TENM1: variants seen among roughly 807,000 people sequenced by gnomAD.
The protein encoded by TENM1 is teneurin-1.
Under a neutral mutation model 174.8 loss-of-function variants are expected in TENM1, and 35 were observed. The ratio of observed to expected loss-of-function variants is 0.20; its 90% CI spans 0.15 to 0.27. The LOEUF is 0.27. Ranked by LOEUF, TENM1 falls within the 10% of genes least tolerant of loss-of-function variation. The pLI is 1.00. For synonymous variants in TENM1, 781 were observed against 798.7 expected (o/e 0.98, Z 0.37); for missense variants, 1,633 against 2,130.1 (o/e 0.77, Z 4.59).
the TENM1 span, among the ~76,000 whole-genome samples, chrX:125,049,692 A>G: frequency 1.8e-5 from 2 of 111,596 alleles, no homozygotes; most frequent in East Asian, 5.7e-4. Flanking sequence ...AATACTTGGT[A>G]TTGTCTTTAT....
At chrX:125,104,029 G>T in the TENM1 span, among the ~76,000 whole-genome samples, 1 of 111,778 alleles carries the variant, frequency 8.9e-6, no homozygotes, top group East Asian at 2.8e-4. Flanking sequence ...TAAACAGCTA[G>T]GTTATGATGC....
chrX:124,672,986 AT>A, intron 5 of TENM1, among the ~76,000 whole-genome samples: 1 of 111,573 alleles, frequency 9.0e-6, no homozygotes, highest in Admixed American at 9.5e-5. Flanking sequence ...TGTTTTCCAT[AT>A]TTTTTTTACA....
intron 21 of TENM1, among the ~76,000 whole-genome samples, chrX:124,486,528 A>C (rs2046957633): frequency 8.9e-6 from 1 of 112,144 alleles, no homozygotes; most frequent in African/African-American, 3.2e-5. Context: ...TGCCATTTTG[A>C]TGACAATTGG....
At chrX:124,962,669 G>A (rs756758149) in intron 1 of TENM1, among the ~76,000 whole-genome samples, 2 of 110,229 alleles carry the variant, frequency 1.8e-5, no homozygotes, top group South Asian at 3.9e-4. Context: ...AATACAAAAC[G>A]TAGCTGAGTG....
chrX:124,648,680 C>T (rs1158275998), intron 8 of TENM1, among the ~76,000 whole-genome samples: 1 of 112,001 alleles, frequency 8.9e-6, no homozygotes. Context: ...TTGTACCAAG[C>T]AGTAGTGCCA....
the TENM1 span, among the ~76,000 whole-genome samples, chrX:125,165,806 A>G: frequency 2.7e-5 from 3 of 111,714 alleles, no homozygotes; most frequent in East Asian, 5.6e-4. Context: ...TTTTCAAGCC[A>G]TCATGGTTGG....
At chrX:124,415,151 AC>A (rs2060580004) in intron 25 of TENM1, among the ~76,000 whole-genome samples, 1 of 112,179 alleles carries the variant, frequency 8.9e-6, no homozygotes, top group African/African-American at 3.2e-5. Flanking sequence ...GGACTAGAGG[AC>A]AAAAGTGAAA....
the TENM1 span, among the ~76,000 whole-genome samples, chrX:125,072,379 G>T: frequency 8.9e-6 from 1 of 111,735 alleles, no homozygotes; most frequent in East Asian, 2.8e-4. Context: ...TTATCTATCA[G>T]TGGCAGCAGT....
intron 15 of TENM1, among the ~76,000 whole-genome samples, chrX:124,532,325 A>G (rs909165942): frequency 8.9e-6 from 1 of 111,808 alleles, no homozygotes; most frequent in Non-Finnish European, 1.9e-5. Flanking sequence ...CTCATATTTT[A>G]TGACACACAC....
chrX:124,481,713 T>TATATATA lies in TENM1; in HGVS notation c.3949+18_3949+19insTATATAT, dbSNP rs67614153. On this transcript the variant is annotated intron_variant, in intron 22 of 31. Transcript: ENST00000422452. ...CCCAAGGGTATATATATATATATAT[T>TATATATA]TATTTATTTATTTTTTACCTCGAGG... 1.0e-3 allele frequency: 204 copies of TATATATA among 203,780 alleles called. No individual in the cohort carries two copies. Among genetic ancestry groups the TATATATA allele is most frequent in the African/African-American group, 3.6e-3 (51 of 14,119 alleles). 16.8% of individuals were successfully genotyped at this position (203,780 alleles called of 1,213,427 possible). A position where few individuals can be genotyped will look rare whatever the true frequency, so the allele number is the denominator to read the frequency against.
the TENM1 span, among the ~76,000 whole-genome samples, chrX:125,186,751 C>T: frequency 9.0e-6 from 1 of 111,184 alleles, no homozygotes; most frequent in African/African-American, 3.3e-5. Flanking sequence ...CCCAAATAAA[C>T]CTCCTTTCTT....
the TENM1 span, among the ~76,000 whole-genome samples, chrX:125,053,416 T>C: frequency 5.3e-5 from 6 of 112,583 alleles, no homozygotes; most frequent in Non-Finnish European, 7.5e-5. Context: ...AATGAGTTAA[T>C]ATGCCTGAAG....
At chrX:124,805,970 G>A (rs1171813233) in intron 3 of TENM1, among the ~76,000 whole-genome samples, 1 of 110,412 alleles carries the variant, frequency 9.1e-6, no homozygotes, top group Non-Finnish European at 1.9e-5. Flanking sequence ...GCCAGTGACT[G>A]GCCATAAAAA....
intron 1 of TENM1, among the ~76,000 whole-genome samples, chrX:124,897,308 T>C (rs2057579409): frequency 1.8e-5 from 2 of 111,805 alleles, no homozygotes; most frequent in Non-Finnish European, 3.8e-5. Context: ...TTAGATAAGG[T>C]AATCCGGAGA....
chrX:124,642,998 A>C (rs1036897070), intron 10 of TENM1, among the ~76,000 whole-genome samples: 36 of 111,927 alleles, frequency 3.2e-4, no homozygotes, highest in Non-Finnish European at 5.8e-4. Flanking sequence ...CTAACTAAGC[A>C]CTATTATAAT....
chrX:124,974,105 C>T, the TENM1 span, among the ~76,000 whole-genome samples: 1 of 111,448 alleles, frequency 9.0e-6, no homozygotes, highest in African/African-American at 3.3e-5. Flanking sequence ...ACCACTACTA[C>T]TACTAATAAT....
chrX:124,701,165 T>C (rs753796947), intron 5 of TENM1, among the ~76,000 whole-genome samples: 8 of 111,527 alleles, frequency 7.2e-5, no homozygotes, highest in African/African-American at 2.6e-4. Context: ...ACTACCTGTA[T>C]CCCCTGAAGG....
intron 18 of TENM1, among the ~76,000 whole-genome samples, chrX:124,503,955 A>G (rs926831897): frequency 1.8e-5 from 2 of 111,798 alleles, no homozygotes; most frequent in African/African-American, 6.5e-5. Context: ...TTAGGTTGGT[A>G]CCATATGTTT....
intron 1 of TENM1, among the ~76,000 whole-genome samples, chrX:124,912,465 A>G (rs111417447): frequency 2.7e-5 from 3 of 110,980 alleles, no homozygotes; most frequent in African/African-American, 9.8e-5. Flanking sequence ...AGGGATGGAG[A>G]AAGGGTTGGG....
Sources: gnomAD v4.1 joint callset for allele counts (sites outside exome capture counted in the v4.1 genomes callset) on GRCh38, gnomAD v4.1.1 for gene constraint, MANE v1.5 for transcripts, NCBI Gene and HGNC (gene_info 2026-07-23, HGNC 2026-07-21) for gene names.